The following LRRTM4 variants were observed in gnomAD, a reference collection of about 807,000 sequenced individuals.
The protein encoded by LRRTM4 is leucine rich repeat transmembrane neuronal 4, also known as leucine-rich repeat transmembrane neuronal protein 4.
Under a neutral mutation model 47.6 loss-of-function variants are expected in LRRTM4, and 25 were observed. That is an observed-to-expected ratio of 0.53 (90% CI 0.38 to 0.73). The LOEUF (loss-of-function observed/expected upper bound fraction) is 0.73. Ranked by LOEUF, LRRTM4 falls within the 30% of genes least tolerant of loss-of-function variation. The pLI, the probability that LRRTM4 is intolerant of heterozygous loss-of-function variation, is 0.00. For synonymous variants in LRRTM4, 311 were observed against 269.5 expected, an observed-to-expected ratio of 1.15 and a Z score of -1.51; for missense variants, 638 against 713.4, an observed-to-expected ratio of 0.89 and a Z score of 1.20.
At chr2:76,987,296 G>T (rs1676835201) in intron 3 of LRRTM4, 1 of 151,426 alleles carries the variant, frequency 6.6e-6, no homozygotes, top group African/African-American at 2.4e-5. Context: ...TTCACCTGGT[G>T]ACAAAGTGCA....
At chr2:77,493,644 G>T (rs943877108) in intron 3 of LRRTM4, among the ~76,000 whole-genome samples, 1 of 152,082 alleles carries the variant, frequency 6.6e-6, no homozygotes, top group Middle Eastern at 3.2e-3. Context: ...TTTGACTCAT[G>T]TCTGTAGAAG....
chr2:77,389,911 C>G (rs1673432081), intron 3 of LRRTM4, among the ~76,000 whole-genome samples: 1 of 151,968 alleles, frequency 6.6e-6, no homozygotes, highest in African/African-American at 2.4e-5. Context: ...AAATTGTACC[C>G]AGGAAAAACA....
chr2:77,115,977 C>G (rs1024065500), intron 3 of LRRTM4, among the ~76,000 whole-genome samples: 7 of 152,122 alleles, frequency 4.6e-5, no homozygotes, highest in Non-Finnish European at 7.4e-5. Context: ...TGAACCTTGT[C>G]TGCTTGGGGA....
At chr2:76,838,159 T>C (rs1428819122) in intron 3 of LRRTM4, among the ~76,000 whole-genome samples, 3 of 151,964 alleles carry the variant, frequency 2.0e-5, no homozygotes, top group South Asian at 2.1e-4. Context: ...GTACTATTTA[T>C]ATAAACAAGT....
At chr2:77,289,833 T>A (rs939383258) in intron 3 of LRRTM4, among the ~76,000 whole-genome samples, 3 of 152,024 alleles carry the variant, frequency 2.0e-5, no homozygotes, top group Non-Finnish European at 4.4e-5. Context: ...ATTTAATCTA[T>A]TTTACTGCCC....
Position 77,349,363 on chromosome 2 carries a change from A to G in LRRTM4, c.1551+168955T>C, listed in dbSNP as rs557802789. On this transcript the variant is annotated intron_variant, in intron 3 of 3. Coordinates refer to ENST00000409884, the MANE Select transcript of LRRTM4 (RefSeq NM_001134745.3). ...AAAAAAACCTAGAAAATGCTTATGA[A>G]TGAATTTTATACGAAAAGTCTAGAA... 7.9e-5 allele frequency among the ~76,000 whole-genome samples: 12 copies of G among 152,180 alleles called. No individual in the cohort carries two copies. In the East Asian group the frequency reaches 9.6e-4, roughly 12 times the overall value.
At chr2:77,399,314 C>A (rs760817957) in intron 3 of LRRTM4, among the ~76,000 whole-genome samples, 1 of 151,734 alleles carries the variant, frequency 6.6e-6, no homozygotes, top group Admixed American at 6.6e-5. Context: ...ATATGCATTA[C>A]CTCATACACA....
intron 3 of LRRTM4, among the ~76,000 whole-genome samples, chr2:77,116,145 G>A (rs1047650348): frequency 8.6e-5 from 13 of 151,988 alleles, no homozygotes; most frequent in African/African-American, 3.1e-4. Context: ...TCAACGTTTA[G>A]GAGCCTTATA....
chr2:77,241,205 T>TACACACAC (rs10555648), intron 3 of LRRTM4, among the ~76,000 whole-genome samples: 38 of 119,818 alleles, frequency 3.2e-4, no homozygotes, highest in Middle Eastern at 4.3e-3. Context: ...GAATTGGAAA[T>TACACACAC]ACACACACAC....
rs1673057231 is a variant in LRRTM4 at position 77,171,833 on chromosome 2, A to G, written c.1551+346485T>C. Among the ~76,000 whole-genome samples, 3 of 152,130 alleles carry G rather than the reference A, an allele frequency of 2.0e-5. No individual in the cohort carries two copies. The South Asian group carries it at 6.2e-4, about 31-fold the overall frequency. ...CATTGCTCTTTATATAATTAGAATT[A>G]TGTCAGCAAAACAAAGGCCACTCTA... On this transcript the variant is annotated intron_variant, in intron 3 of 3. Coordinates refer to ENST00000409884, the MANE Select transcript of LRRTM4 (RefSeq NM_001134745.3).
At chr2:76,851,192 C>T (rs927432085) in intron 3 of LRRTM4, among the ~76,000 whole-genome samples, 2 of 152,228 alleles carry the variant, frequency 1.3e-5, no homozygotes, top group African/African-American at 4.8e-5. Flanking sequence ...GGAAGCACAC[C>T]AAATCTGAAA....
Position 76,748,818 on chromosome 2 carries a change from A to C in LRRTM4, c.1650T>G (p.Tyr550Ter), listed in dbSNP as rs1242875835. 6.2e-7 allele frequency: 1 copy of C among 1,614,056 alleles called. No individual in the cohort carries two copies. The change falls in exon 4 of 4, where the codon TAT becomes TAG. Residue 550 changes from tyrosine to a stop codon, truncating the protein, a stop_gained. Transcript: ENST00000409884. LOFTEE classifies it high-confidence loss of function. ...AHQPLHVTKGYETVSPEQDES... is the reference protein window; with the variant it reads ...AHQPLHVTKG ...CGTCCTGCTCTGGAGACACTGTCTC[A>C]TAGCCCTTGGTGACATGGAGTGGCT...
chr2:77,213,707 A>G (rs190802737), intron 3 of LRRTM4, among the ~76,000 whole-genome samples: 141 of 152,296 alleles, frequency 9.3e-4, no homozygotes, highest in African/African-American at 3.2e-3. Flanking sequence ...TCAGAAGTCC[A>G]TGTGGAGCTA....
At chr2:77,149,806 A>G (rs986432808) in intron 3 of LRRTM4, among the ~76,000 whole-genome samples, 1 of 152,054 alleles carries the variant, frequency 6.6e-6, no homozygotes, top group Non-Finnish European at 1.5e-5. Context: ...CTCACACCTC[A>G]CTGAACTCAG....
chr2:76,902,860 G>A (rs543165427), intron 3 of LRRTM4, among the ~76,000 whole-genome samples: 7 of 152,088 alleles, frequency 4.6e-5, no homozygotes, highest in South Asian at 2.1e-4. Flanking sequence ...TGAAGTTTTC[G>A]AAAATGCTAT....
At chr2:76,780,140 C>A (rs549087142) in intron 3 of LRRTM4, among the ~76,000 whole-genome samples, 1 of 152,232 alleles carries the variant, frequency 6.6e-6, no homozygotes, top group African/African-American at 2.4e-5. Context: ...CGCTGTTAGT[C>A]TGATGGGCTT....
intron 3 of LRRTM4, among the ~76,000 whole-genome samples, chr2:77,395,513 G>A (rs188625550): frequency 1.3e-5 from 2 of 151,978 alleles, no homozygotes; most frequent in African/African-American, 4.8e-5. Flanking sequence ...TTTTGGTTGT[G>A]CCATCATAAA....
chr2:76,767,427 C>T (rs1425504555), intron 3 of LRRTM4, among the ~76,000 whole-genome samples: 1 of 152,062 alleles, frequency 6.6e-6, no homozygotes, highest in Non-Finnish European at 1.5e-5. Flanking sequence ...ATAGGATTCC[C>T]ATTTAAAAAA....
intron 3 of LRRTM4, among the ~76,000 whole-genome samples, chr2:76,823,678 G>C (rs573278351): frequency 1.3e-5 from 2 of 151,372 alleles, no homozygotes; most frequent in South Asian, 2.1e-4. Flanking sequence ...TGAGAGTCAA[G>C]TTCTTCAACA....
Sources: gnomAD v4.1 joint callset for allele counts (sites outside exome capture counted in the v4.1 genomes callset) on GRCh38, gnomAD v4.1.1 for gene constraint, MANE v1.5 for transcripts, NCBI Gene and HGNC (gene_info 2026-07-23, HGNC 2026-07-21) for gene names.